Variants in KRT5 observed in about 807,000 individuals in gnomAD.
KRT5 encodes keratin, type II cytoskeletal 5.
A neutral mutation model predicts 44.0 loss-of-function variants in KRT5; 17 were observed. The ratio of observed to expected loss-of-function variants is 0.39; its 90% CI spans 0.26 to 0.58. The LOEUF (loss-of-function observed/expected upper bound fraction) is 0.58, where lower values mean the gene tolerates loss of function less well. Ranked by LOEUF, KRT5 falls within the 20% of genes least tolerant of loss-of-function variation. The pLI, the probability that KRT5 is intolerant of heterozygous loss-of-function variation, is 0.61. For missense variants in KRT5, 737 were observed against 785.5 expected (o/e 0.94, Z 0.74); for synonymous variants, 329 against 312.8 (o/e 1.05, Z -0.55).
At chr12:52,515,667 T>C (rs1938598224) in intron 8 of KRT5, 131 bp downstream of exon 8, 10 of 790,618 alleles carry the variant, frequency 1.3e-5, no homozygotes, top group Non-Finnish European at 1.6e-5. Context: ...CACAACTTAC[T>C]AAGTGTATTA....
chr12:52,519,866 G>C lies in KRT5; in HGVS notation c.431C>G (p.Thr144Ser), dbSNP rs1235137513. 6.2e-7 allele frequency: 1 copy of C among 1,613,972 alleles called. No homozygotes were observed. The highest frequency in any genetic ancestry group is 1.1e-5 in the South Asian group (1 of 91,036). ...VCPPGGIQEV[T>S]VNQSLLTPLN... ...GGGAGTCAGGAGACTCTGGTTGACA[G>C]TGACCTCTTGGATACCTCCAGGAGG... Residue 144 changes from threonine (T) to serine (S), a missense_variant, in exon 1 of 9, where the codon ACT becomes AGT. This residue lies in a region of KRT5 where 326 missense variants were observed against 333.1 expected (regional missense o/e 0.98). Transcript: ENST00000252242.
At chr12:52,516,011 G>A (rs373064956) in intron 7 of KRT5, 179 bp from the exon 8 acceptor site, 3 of 636,778 alleles carry the variant, frequency 4.7e-6, no homozygotes, top group Admixed American at 2.6e-5. Context: ...CAATGAAGAG[G>A]GATTGACCTA....
chr12:52,515,735 T>C (rs1252275609), intron 8 of KRT5, 63 bp downstream of exon 8: 1 of 1,312,732 alleles, frequency 7.6e-7, no homozygotes, highest in Non-Finnish European at 1.1e-6. Context: ...AGCAGAATTC[T>C]GAGTTGGCAC....
intron 7 of KRT5, 58 bp downstream of exon 7, chr12:52,516,579 G>A: frequency 6.6e-7 from 1 of 1,520,038 alleles, no homozygotes; most frequent in Middle Eastern, 1.9e-4. Flanking sequence ...ACACCCCACA[G>A]TAGAGCAGCT....
In KRT5 at chr12:52,520,264, G is replaced by A. The variant is rs149814225; in HGVS notation, c.33C>T (p.Ser11=). 2.2e-5 allele frequency: 36 copies of A among 1,613,572 alleles called. No homozygotes were observed. The highest frequency in any genetic ancestry group is 1.7e-4 in the African/African-American group (13 of 74,914). The part of the protein sequence containing the change: MSRQSSVSFR[S]GGSRSFSTAS... ...CGGTGCTGAAGCTACGACTGCCCCC[G>A]CTCCGGAAGGACACACTTGACTGGC... The change falls in exon 1 of 9, where the codon AGC becomes AGT. Residue 11 remains serine, a synonymous_variant. Transcript: ENST00000252242.
At chr12:52,518,080 G>A (rs200382856) in intron 3 of KRT5, 23 bp downstream of exon 3, 3 of 1,613,752 alleles carry the variant, frequency 1.9e-6, no homozygotes, top group Non-Finnish European at 1.7e-6. Context: ...GCAGGCTGCT[G>A]GTTCTCTCCC....
chr12:52,517,015 T>C, intron 6 of KRT5, 92 bp downstream of exon 6: 1 of 1,544,202 alleles, frequency 6.5e-7, no homozygotes, highest in Non-Finnish European at 8.9e-7. Flanking sequence ...TCTAGCTGCG[T>C]GTGTTTAGCA....
intron 2 of KRT5, 48 bp from the exon 3 acceptor site, chr12:52,518,211 G>A (rs1938647324): frequency 1.3e-6 from 2 of 1,562,566 alleles, no homozygotes; most frequent in Admixed American, 1.7e-5. Flanking sequence ...TGAGCAACAG[G>A]TAAGGGGTCT....
In KRT5 at chr12:52,516,792, G is replaced by T; in HGVS notation, c.1284C>A (p.Ala428=). The change falls in exon 7 of 9, where the codon GCC becomes GCA. Residue 428 remains alanine (A), a synonymous_variant. Transcript: ENST00000252242. ...EQRGELALKD[A]RNKLAELEEA... The stretch of plus-strand genomic sequence containing the variant: ...CCTCCAGCTCGGCCAGCTTGTTCCT[G>T]GCATCCTTGAGGGCCAGCTCCCCAC... 1 of 1,614,206 alleles carries T rather than the reference G, an allele frequency of 6.2e-7. No individual in the cohort carries two copies. The highest frequency in any genetic ancestry group is 8.5e-7 in the Non-Finnish European group (1 of 1,180,046).
At position 52,516,794 on chromosome 12, in the gene KRT5, C is replaced by T. The variant is rs267607458; in HGVS notation, c.1282G>A (p.Ala428Thr). 1 of 1,614,204 alleles carries T rather than the reference C, an allele frequency of 6.2e-7. No homozygotes were observed. Residue 428 changes from alanine to threonine, a missense_variant, in exon 7 of 9, where the codon GCC becomes ACC. By Grantham distance (58) the Ala-to-Thr change is moderately conservative. Coordinates refer to ENST00000252242, the MANE Select transcript of KRT5 (RefSeq NM_000424.4). Reference protein sequence around the residue: ...EQRGELALKDARNKLAELEEA... With the variant: ...EQRGELALKDTRNKLAELEEA... The stretch of plus-strand genomic sequence containing the variant: ...TCCAGCTCGGCCAGCTTGTTCCTGG[C>T]ATCCTTGAGGGCCAGCTCCCCACGC...
intron 2 of KRT5, 64 bp from the exon 3 acceptor site, chr12:52,518,227 A>C: frequency 6.7e-7 from 1 of 1,489,232 alleles, no homozygotes; most frequent in Non-Finnish European, 9.4e-7. Flanking sequence ...GGTCTTTATT[A>C]TGCAGTCAAC....
intron 7 of KRT5, chr12:52,516,380 A>G: frequency 1.9e-6 from 1 of 518,684 alleles, no homozygotes; most frequent in South Asian, 2.0e-5. Flanking sequence ...CAGAAAAGGC[A>G]CAAGTGTCAA....
chr12:52,517,319 G>T lies in KRT5; in HGVS notation c.1093-87C>A. ...AGTTCACAGGCAGTGAGTACTAAGT[G>T]GTGGCAAATAGTGTGGGGCTGGTTC... On this transcript the variant is annotated intron_variant, in intron 5 of 8. Transcript: ENST00000252242. The T allele has an allele frequency of 1.8e-5, 27 of 1,528,164 alleles. No homozygotes were observed. The South Asian group carries it at 2.9e-4, about 17-fold the overall frequency. The allele number at this position is 1,528,164 out of a possible 1,614,324, so 94.7% of individuals were successfully genotyped here. A position where few individuals can be genotyped will look rare whatever the true frequency, so the allele number is the denominator to read the frequency against.
At chr12:52,518,462 T>A in intron 2 of KRT5, 1 of 607,736 alleles carries the variant, frequency 1.6e-6, no homozygotes, top group South Asian at 1.5e-5. Context: ...CCTAGTCAAT[T>A]TCTCTAGTGT....
chr12:52,520,282 T>A lies in KRT5; in HGVS notation c.15A>T (p.Ser5=). Residue 5 remains serine, a synonymous_variant, in exon 1 of 9, where the codon TCA becomes TCT. Coordinates refer to ENST00000252242, the MANE Select transcript of KRT5 (RefSeq NM_000424.4). MSRQ[S]SVSFRSGGSR... is the part of the protein sequence containing the mutation. Reference sequence around the variant, plus strand: ...TGCCCCCGCTCCGGAAGGACACACTTGACTGGCGAGACATGGTGGCTTGTT... The same window carrying A: ...TGCCCCCGCTCCGGAAGGACACACTAGACTGGCGAGACATGGTGGCTTGTT... 1 of 1,613,312 alleles carries A rather than the reference T, an allele frequency of 6.2e-7. No homozygotes were observed. Among genetic ancestry groups the A allele is most frequent in the Non-Finnish European group, 8.5e-7 (1 of 1,179,996 alleles).
chr12:52,515,617 C>T, intron 8 of KRT5, 181 bp downstream of exon 8: 1 of 681,236 alleles, frequency 1.5e-6, no homozygotes, highest in Non-Finnish European at 2.7e-6. Flanking sequence ...ACATAAGCCA[C>T]ATTGCTTCCT....
chr12:52,516,174 C>A, intron 7 of KRT5: 1 of 456,460 alleles, frequency 2.2e-6, no homozygotes, highest in South Asian at 2.6e-5. Flanking sequence ...GACAGAAATT[C>A]CTCCAACAGA....
intron 7 of KRT5, chr12:52,516,375 A>C (rs1279829371): frequency 3.9e-6 from 2 of 508,424 alleles, no homozygotes; most frequent in African/African-American, 1.9e-5. Context: ...AAAAGCAGAA[A>C]AGGCACAAGT....
At chr12:52,519,393 G>A in intron 1 of KRT5, 2 of 678,180 alleles carry the variant, frequency 2.9e-6, no homozygotes, top group Non-Finnish European at 5.0e-6. Flanking sequence ...CTTGGAGTGT[G>A]TCCCGGCTCA....
Sources: allele counts gnomAD v4.1 joint callset, GRCh38; gene constraint gnomAD v4.1.1; regional missense constraint gnomAD v4.1.1; transcripts MANE v1.5; gene names NCBI Gene and HGNC (gene_info 2026-07-23, HGNC 2026-07-21).